C8orf34: variants seen among roughly 807,000 people sequenced by gnomAD.
C8orf34 encodes chromosome 8 open reading frame 34.
Under a neutral mutation model 68.3 loss-of-function variants are expected in C8orf34, and 65 were observed. The observed-to-expected ratio is 0.95, with a 90% CI of 0.78 to 1.17. The LOEUF is 1.17. Ranked by LOEUF, C8orf34 falls within the 50% of genes most tolerant of loss-of-function variation. The pLI is 0.00. For synonymous variants in C8orf34, 244 were observed against 241.2 expected (o/e 1.01, Z -0.11); for missense variants, 664 against 655.4 (o/e 1.01, Z -0.14).
intron 10 of C8orf34, 106 bp downstream of exon 10, chr8:68,721,543 A>G (rs1821678374): frequency 1.4e-6 from 1 of 740,176 alleles, no homozygotes; most frequent in Non-Finnish European, 2.2e-6. Flanking sequence ...TTACTGATTA[A>G]TTAGGCTGTT....
chr8:68,444,420 A>T (rs1186760886), intron 2 of C8orf34, among the ~76,000 whole-genome samples: 1 of 152,068 alleles, frequency 6.6e-6, no homozygotes, highest in African/African-American at 2.4e-5. Context: ...ATTTTTTAAA[A>T]CTATGATTAC....
intron 7 of C8orf34, among the ~76,000 whole-genome samples, chr8:68,588,274 A>G (rs1293594096): frequency 1.3e-5 from 2 of 152,156 alleles, no homozygotes; most frequent in African/African-American, 4.8e-5. Context: ...AAAGATAATT[A>G]TGATGTAAAG....
intron 7 of C8orf34, among the ~76,000 whole-genome samples, chr8:68,560,211 G>T (rs142467050): frequency 2.6e-5 from 4 of 151,490 alleles, no homozygotes; most frequent in African/African-American, 7.3e-5. Flanking sequence ...AGAGCATTAT[G>T]CACCTACAGA....
intron 11 of C8orf34, among the ~76,000 whole-genome samples, chr8:68,782,002 C>A (rs1020437830): frequency 1.3e-5 from 2 of 152,188 alleles, no homozygotes; most frequent in African/African-American, 4.8e-5. Flanking sequence ...ACTTACTACT[C>A]ATATCTTTTT....
At chr8:68,771,770 CAT>C (rs764954747) in intron 10 of C8orf34, among the ~76,000 whole-genome samples, 44 of 152,212 alleles carry the variant, frequency 2.9e-4, no homozygotes, top group Non-Finnish European at 5.7e-4. Flanking sequence ...GTGCTCAATA[CAT>C]GTTTGTTTAA....
intron 4 of C8orf34, among the ~76,000 whole-genome samples, chr8:68,476,981 C>T (rs1026904870): frequency 3.3e-5 from 5 of 152,082 alleles, no homozygotes; most frequent in African/African-American, 7.2e-5. Context: ...TTCCTGATAG[C>T]CCTTATTCCT....
chr8:68,818,169 T>G (rs1824877054), intron 13 of C8orf34, 70 bp from the exon 14 acceptor site: 10 of 1,512,864 alleles, frequency 6.6e-6, no homozygotes, highest in Non-Finnish European at 7.3e-6. Context: ...TCACAATTTT[T>G]CTTTTTAATA....
At chr8:68,557,682 C>T (rs1203585843) in intron 7 of C8orf34, among the ~76,000 whole-genome samples, 1 of 152,148 alleles carries the variant, frequency 6.6e-6, no homozygotes, top group Non-Finnish European at 1.5e-5. Flanking sequence ...CAAATCAGCT[C>T]CCTACACCAA....
At chr8:68,475,788 G>A (rs1161857476) in intron 4 of C8orf34, among the ~76,000 whole-genome samples, 1 of 152,206 alleles carries the variant, frequency 6.6e-6, no homozygotes, top group African/African-American at 2.4e-5. Flanking sequence ...AGTGTTCTCT[G>A]GGTCTAATGC....
intron 1 of C8orf34, among the ~76,000 whole-genome samples, chr8:68,390,591 G>A (rs936450969): frequency 1.3e-5 from 2 of 152,046 alleles, no homozygotes; most frequent in African/African-American, 4.8e-5. Context: ...TTGGCTATGG[G>A]AATTTTATCA....
chr8:68,750,592 T>C (rs1435431322), intron 10 of C8orf34, among the ~76,000 whole-genome samples: 1 of 152,164 alleles, frequency 6.6e-6, no homozygotes, highest in Non-Finnish European at 1.5e-5. Context: ...CTTTAAAATA[T>C]AAAACGGTAA....
At chr8:68,772,402 T>C (rs1322006146) in intron 10 of C8orf34, among the ~76,000 whole-genome samples, 3 of 152,174 alleles carry the variant, frequency 2.0e-5, no homozygotes, top group Non-Finnish European at 2.9e-5. Flanking sequence ...TAGTCCTACC[T>C]CACTCTCTAC....
intron 1 of C8orf34, among the ~76,000 whole-genome samples, chr8:68,402,575 T>C (rs1367498555): frequency 1.3e-5 from 2 of 152,184 alleles, no homozygotes; most frequent in Admixed American, 6.5e-5. Flanking sequence ...CTGATTTGAC[T>C]GTATTGCACG....
intron 3 of C8orf34, among the ~76,000 whole-genome samples, chr8:68,455,244 C>A (rs934716612): frequency 2.0e-5 from 3 of 152,110 alleles, no homozygotes; most frequent in Non-Finnish European, 2.9e-5. Flanking sequence ...CTGTGTACAT[C>A]TGTTAGGTCT....
In C8orf34 at chr8:68,614,117, C is replaced by T. The variant is rs1818115949; in HGVS notation, c.1106-26259C>T. On this transcript the variant is annotated intron_variant, in intron 7 of 13. Coordinates refer to ENST00000518698, the MANE Select transcript of C8orf34 (RefSeq NM_052958.4). The stretch of plus-strand genomic sequence containing the variant: ...GAGAAGTGTCTGTTCATGTCCTTCG[C>T]CCACTTTTTGATGGGATTGTTTGTT... Among the ~76,000 whole-genome samples the T allele has an allele frequency of 1.3e-5, 2 of 152,224 alleles. 1 individual carries two copies. The highest frequency in any genetic ancestry group is 6.8e-3 in the Middle Eastern group (2 of 294).
intron 8 of C8orf34, among the ~76,000 whole-genome samples, chr8:68,689,705 A>G (rs769836746): frequency 2.6e-5 from 4 of 152,020 alleles, no homozygotes; most frequent in Non-Finnish European, 5.9e-5. Context: ...AAGAGAGAGA[A>G]AATAAGAACA....
chr8:68,763,811 T>G (rs1333501550), intron 10 of C8orf34, among the ~76,000 whole-genome samples: 1 of 152,196 alleles, frequency 6.6e-6, no homozygotes. Flanking sequence ...CTGCACTAAG[T>G]GCTATTAATG....
At chr8:68,708,941 A>T in intron 8 of C8orf34, 53 bp from the exon 9 acceptor site, 1 of 1,337,422 alleles carries the variant, frequency 7.5e-7, no homozygotes, top group Middle Eastern at 1.8e-4. Flanking sequence ...CATAGTTCAC[A>T]TTTCACAATT....
At chr8:68,456,762 G>A (rs1464724683) in intron 3 of C8orf34, among the ~76,000 whole-genome samples, 2 of 152,028 alleles carry the variant, frequency 1.3e-5, no homozygotes, top group Non-Finnish European at 2.9e-5. Flanking sequence ...CCAAAAAATA[G>A]CACTTATACA....
Sources: allele counts gnomAD v4.1 joint callset (sites outside exome capture counted in the v4.1 genomes callset), GRCh38; gene constraint gnomAD v4.1.1; transcripts MANE v1.5; gene names NCBI Gene and HGNC (gene_info 2026-07-23, HGNC 2026-07-21).